Variants in ADAMTSL1 observed in about 807,000 individuals in gnomAD.
The protein encoded by ADAMTSL1 is ADAMTS-like protein 1.
A neutral mutation model predicts 201.8 loss-of-function variants in ADAMTSL1; 126 were observed. The observed-to-expected ratio is 0.62, with a 90% confidence interval of 0.54 to 0.72. The LOEUF is 0.72. Ranked by LOEUF, ADAMTSL1 falls within the 30% of genes least tolerant of loss-of-function variation. The pLI is 0.00. For missense variants in ADAMTSL1, 2,679 were observed against 2,277.8 expected (o/e 1.18, Z -3.59); for synonymous variants, 1,121 against 903.4 (o/e 1.24, Z -4.32).
At chr9:18,690,453 T>G (rs1831144275) in intron 13 of ADAMTSL1, among the ~76,000 whole-genome samples, 1 of 152,160 alleles carries the variant, frequency 6.6e-6, no homozygotes, top group Non-Finnish European at 1.5e-5. Flanking sequence ...ATTTATATTC[T>G]AAATATAAGG....
intron 23 of ADAMTSL1, among the ~76,000 whole-genome samples, chr9:18,856,460 A>ATTTTTTTTT (rs398010404): frequency 2.4e-4 from 27 of 111,984 alleles, no homozygotes; most frequent in African/African-American, 3.4e-4. Flanking sequence ...GATAAGAAGG[A>ATTTTTTTTT]TTTTTTTTTT....
At chr9:18,129,879 G>A (rs1346709335) in intron 1 of ADAMTSL1, among the ~76,000 whole-genome samples, 2 of 152,156 alleles carry the variant, frequency 1.3e-5, no homozygotes, top group Non-Finnish European at 2.9e-5. Context: ...CAGGGAAACA[G>A]GGAAGCAGGT....
chr9:18,873,737 C>T (rs1827988802), intron 23 of ADAMTSL1, among the ~76,000 whole-genome samples: 1 of 152,110 alleles, frequency 6.6e-6, no homozygotes, highest in Non-Finnish European at 1.5e-5. Context: ...TGTGATGCCT[C>T]CAGATTTGTT....
At chr9:18,828,246 A>C (rs1010220262) in intron 22 of ADAMTSL1, among the ~76,000 whole-genome samples, 1 of 152,200 alleles carries the variant, frequency 6.6e-6, no homozygotes, top group South Asian at 2.1e-4. Flanking sequence ...TCCTGGGAAG[A>C]GCAAATGGAC....
intron 21 of ADAMTSL1, among the ~76,000 whole-genome samples, chr9:18,818,167 G>A (rs1387293381): frequency 6.6e-6 from 1 of 152,160 alleles, no homozygotes; most frequent in South Asian, 2.1e-4. Flanking sequence ...CTGCCACAAT[G>A]GGATGAAGAA....
chr9:18,732,188 C>T, intron 15 of ADAMTSL1, among the ~76,000 whole-genome samples: 1 of 152,310 alleles, frequency 6.6e-6, no homozygotes. Context: ...ATGATATAGA[C>T]CTTCATAATA....
At chr9:18,755,637 A>G (rs1476508460) in intron 16 of ADAMTSL1, among the ~76,000 whole-genome samples, 1 of 152,126 alleles carries the variant, frequency 6.6e-6, no homozygotes, top group Non-Finnish European at 1.5e-5. Context: ...TTTTTGGTCA[A>G]TTGCCATCAC....
chr9:18,101,026 A>T (rs1824491447), intron 1 of ADAMTSL1, among the ~76,000 whole-genome samples: 1 of 152,146 alleles, frequency 6.6e-6, no homozygotes, highest in Non-Finnish European at 1.5e-5. Context: ...ATGCTGTCAC[A>T]TACTTTTGTT....
rs375751739 is a variant in ADAMTSL1, at chr9:18,347,148, C to A, written c.208-157681C>A. ...CTTTTCCTCCTTATGTGAATGGTCACCCCACTTGTAGGGCAATAAATGATA... is the reference window on the plus strand; with the variant it reads ...CTTTTCCTCCTTATGTGAATGGTCAACCCACTTGTAGGGCAATAAATGATA... On this transcript the variant is annotated intron_variant, in intron 2 of 29. Coordinates refer to the ADAMTSL1 transcript ENST00000680146. 8.7e-4 allele frequency among the ~76,000 whole-genome samples: 132 copies of A among 152,180 alleles called. 3 individuals carry two copies. The South Asian group carries it at 0.026, about 30-fold the overall frequency.
intron 2 of ADAMTSL1, among the ~76,000 whole-genome samples, chr9:18,176,503 C>T (rs1320500268): frequency 6.6e-6 from 1 of 152,140 alleles, no homozygotes; most frequent in Non-Finnish European, 1.5e-5. Flanking sequence ...CTGCCTTAAG[C>T]ACTTTGAATA....
At chr9:18,297,611 C>A (rs1330777941) in intron 2 of ADAMTSL1, among the ~76,000 whole-genome samples, 1 of 152,208 alleles carries the variant, frequency 6.6e-6, no homozygotes, top group Non-Finnish European at 1.5e-5. Context: ...ATATGCATCC[C>A]TCAGGTGAAC....
chr9:18,138,621 T>A (rs1826260157), intron 1 of ADAMTSL1, among the ~76,000 whole-genome samples: 1 of 152,170 alleles, frequency 6.6e-6, no homozygotes, highest in Non-Finnish European at 1.5e-5. Flanking sequence ...GTTTTCGTAG[T>A]GTGACTGTTC....
At chr9:18,322,726 A>G (rs942887622) in intron 2 of ADAMTSL1, among the ~76,000 whole-genome samples, 1 of 152,164 alleles carries the variant, frequency 6.6e-6, no homozygotes, top group African/African-American at 2.4e-5. Context: ...CAAATCACCA[A>G]TACCAGAAAT....
At chr9:18,488,718 A>T (rs938255739) in intron 1 of ADAMTSL1, among the ~76,000 whole-genome samples, 2 of 152,006 alleles carry the variant, frequency 1.3e-5, no homozygotes, top group Non-Finnish European at 2.9e-5. Context: ...AGCAATTATT[A>T]CTCTCTCCCT....
chr9:18,612,435 T>C lies in ADAMTSL1; in HGVS notation c.475-9808T>C, dbSNP rs76008363. On this transcript the variant is annotated intron_variant, in intron 4 of 28. Transcript: ENST00000380548. ...GTTGCCTATAGGCTGAATCCATTCA[T>C]TCATTGAACACATATATTTTAGTTG... is the stretch of plus-strand genomic sequence containing the variant. 8.8e-4 allele frequency among the ~76,000 whole-genome samples: 134 copies of C among 152,318 alleles called. 1 individual carries two copies. Among genetic ancestry groups the C allele is most frequent in the African/African-American group, 3.0e-3 (123 of 41,562 alleles).
intron 3 of ADAMTSL1, among the ~76,000 whole-genome samples, chr9:18,560,063 G>A (rs1311056194): frequency 6.6e-6 from 1 of 152,194 alleles, no homozygotes; most frequent in Non-Finnish European, 1.5e-5. Context: ...GGAGTGGTGA[G>A]AGAGGGCATC....
intron 10 of ADAMTSL1, among the ~76,000 whole-genome samples, chr9:18,677,968 C>T (rs1189952362): frequency 6.6e-6 from 1 of 152,004 alleles, no homozygotes; most frequent in African/African-American, 2.4e-5. Context: ...ATGGCAGCTA[C>T]CCACTGATCA....
chr9:18,080,049 C>T (rs1211323353), intron 1 of ADAMTSL1, among the ~76,000 whole-genome samples: 5 of 152,146 alleles, frequency 3.3e-5, no homozygotes, highest in African/African-American at 1.2e-4. Context: ...TGACAAGGGT[C>T]CAAGTGTTAC....
chr9:18,238,189 G>A (rs1055691271), intron 2 of ADAMTSL1, among the ~76,000 whole-genome samples: 4 of 152,166 alleles, frequency 2.6e-5, no homozygotes, highest in African/African-American at 9.7e-5. Flanking sequence ...TAATGAATGA[G>A]TTTTAGGACT....
Sources: gnomAD v4.1 joint callset for allele counts (sites outside exome capture counted in the v4.1 genomes callset) on GRCh38, gnomAD v4.1.1 for gene constraint, MANE v1.5 for transcripts, NCBI Gene and HGNC (gene_info 2026-07-23, HGNC 2026-07-21) for gene names.